TNK2: variants seen among roughly 807,000 people sequenced by gnomAD.
TNK2 encodes the protein tyrosine kinase non receptor 2.
TNK2 carries 83 observed loss-of-function variants against 101.8 expected under a neutral mutation model. The observed-to-expected ratio is 0.82, with a 90% confidence interval of 0.68 to 0.98. The LOEUF (loss-of-function observed/expected upper bound fraction) is 0.98, where lower values mean the gene tolerates loss of function less well. TNK2 is among the 50% of genes least tolerant of loss of function. The pLI is 0.00. For missense variants in TNK2, 1,665 were observed against 1,483.2 expected (o/e 1.12, Z -2.01); for synonymous variants, 804 against 633.0 (o/e 1.27, Z -4.06).
Position 195,866,908 on chromosome 3 carries a change from A to G in TNK2, c.3142T>C (p.Trp1048Arg). Residue 1048 changes from tryptophan (W) to arginine (R), a missense_variant, in exon 15 of 16, where the codon TGG (tryptophan) becomes CGG (arginine). Physicochemically the swap from Trp to Arg is moderately radical, Grantham distance 101. Transcript: ENST00000672887. ...ACTCACTTGTGGTGGGCAGGGCCCC[A>G]GGAGCCCAGAAGGTGGCAGCCGGCC... ...EQAGCHLLGSWGPAHHKR is the reference protein window; with the variant it reads ...EQAGCHLLGSRGPAHHKR The G allele has an allele frequency of 6.2e-7, 1 of 1,611,362 alleles. No individual in the cohort carries two copies. Among genetic ancestry groups the G allele is most frequent in the Non-Finnish European group, 8.5e-7 (1 of 1,179,260 alleles).
chr3:195,864,462 G>A lies in TNK2; in HGVS notation c.3162-275C>T, dbSNP rs547147217. Among the ~76,000 whole-genome samples the A allele has an allele frequency of 6.2e-4, 94 of 151,794 alleles. 2 individuals are homozygous for A. In the South Asian group the frequency reaches 0.018, roughly 29 times the overall value. ...GGATGCAAATCAGTAAGAACCACCC[G>A]AGACAGCGACAGACAGGTGACACGG... On this transcript the variant is annotated intron_variant, in intron 15 of 15. Coordinates refer to ENST00000672887, the MANE Select transcript of TNK2 (RefSeq NM_001382273.1).
chr3:195,879,302 C>T, intron 6 of TNK2, 127 bp from the exon 7 acceptor site: 2 of 1,451,758 alleles, frequency 1.4e-6, no homozygotes, highest in South Asian at 1.3e-5. Flanking sequence ...CAGTGGGTCT[C>T]AGGGGCGCCG....
intron 1 of TNK2, chr3:195,896,318 G>T (rs543181792): frequency 1.7e-4 from 53 of 318,540 alleles, no homozygotes; most frequent in African/African-American, 1.2e-3. Flanking sequence ...GCAGAGGAGA[G>T]ACAGATGCTG....
At position 195,864,161 on chromosome 3, in the gene TNK2, T is replaced by C; in HGVS notation, c.*20A>G. On this transcript the variant is annotated 3_prime_UTR_variant, in exon 16 of 16. Transcript: ENST00000672887. ...TCAGGTGATTCCTTCAGGCAGGCCC[T>C]CTGGCTCTCCAGACGCATCTCAGCG... 1 of 1,613,890 alleles carries C rather than the reference T, an allele frequency of 6.2e-7. No individual in the cohort carries two copies. The highest frequency in any genetic ancestry group is 8.5e-7 in the Non-Finnish European group (1 of 1,179,870).
intron 1 of TNK2, chr3:195,896,351 G>C (rs766376005): frequency 1.1e-4 from 34 of 315,844 alleles, no homozygotes; most frequent in Non-Finnish European, 2.1e-4. Context: ...CCCACGCAGC[G>C]TCAAGGCTGA....
rs1357991175 is a variant in TNK2 at position 195,898,660 on chromosome 3, C to A, written c.-19+9825G>T. ...TGTTTTTAAGAGACTGGGTCTTGCT[C>A]TGTTGCCCAGGCTGGAGTGCAGTGG... On this transcript the variant is annotated intron_variant, in intron 1 of 15. Coordinates refer to ENST00000672887, the MANE Select transcript of TNK2 (RefSeq NM_001382273.1). Among the ~76,000 whole-genome samples the A allele has an allele frequency of 3.3e-5, 5 of 152,060 alleles. No individual in the cohort carries two copies. In the East Asian group the frequency reaches 9.6e-4, roughly 29 times the overall value.
In TNK2 at chr3:195,867,528, C is replaced by T. The variant is rs367967764; in HGVS notation, c.2770G>A (p.Val924Met). The change falls in exon 13 of 16, where the codon GTG becomes ATG. Residue 924 changes from valine to methionine, a missense_variant. Physicochemically the swap from Val to Met is conservative, Grantham distance 21. Transcript: ENST00000672887. ...AAGGCAGCCTGGGGCATCGGCCGCA[C>T]GGTGGCCGTGGGGGCGGCGGGGGCT... ...TPAPAAPTAT[V>M]RPMPQAALDP... 1.3e-5 allele frequency: 14 copies of T among 1,081,964 alleles called. No individual in the cohort carries two copies. Among genetic ancestry groups the T allele is most frequent in the East Asian group, 5.5e-5 (1 of 18,122 alleles). 67.0% of individuals were successfully genotyped at this position (1,081,964 alleles called of 1,614,324 possible).
At chr3:195,895,467 C>T (rs745725400) in intron 1 of TNK2, 3 of 1,382,878 alleles carry the variant, frequency 2.2e-6, no homozygotes, top group African/African-American at 1.5e-5. Context: ...TAGCCTCATC[C>T]GCCATCGGCC....
rs1227979014 is a variant in TNK2 at position 195,878,766 on chromosome 3, G to A, written c.1015-174C>T. ...CCAGAGCCCCAGTCCCTTCTTCCCA[G>A]GTCTGGAGCCTCGGAACAAGTGGAT... On this transcript the variant is annotated intron_variant, in intron 7 of 15. Coordinates refer to ENST00000672887, the MANE Select transcript of TNK2 (RefSeq NM_001382273.1). This position sits in a 1 kb window ranked among gnomAD's most constrained non-coding sequence, Gnocchi z 4.7. 6.6e-6 allele frequency among the ~76,000 whole-genome samples: 1 copy of A among 152,228 alleles called. No homozygotes were observed. The highest frequency in any genetic ancestry group is 2.1e-4 in the South Asian group (1 of 4,838).
In TNK2 at chr3:195,867,443, G is replaced by A. The variant is rs750829725; in HGVS notation, c.2855C>T (p.Pro952Leu). 8.8e-6 allele frequency: 14 copies of A among 1,595,096 alleles called. No individual in the cohort carries two copies. Among genetic ancestry groups the A allele is most frequent in the South Asian group, 5.5e-5 (5 of 90,108 alleles). Residue 952 changes from proline to leucine, a missense_variant, in exon 13 of 16, where the codon CCG becomes CTG. Around this residue, in one of 3 missense-constraint regions of TNK2, gnomAD observed 1,136 missense variants for 894.9 expected, o/e 1.27. Coordinates refer to ENST00000672887, the MANE Select transcript of TNK2 (RefSeq NM_001382273.1). The stretch of plus-strand genomic sequence containing the variant: ...CTGTGGCAGCCGAGCAGTGGCCCTC[G>A]GGGGTGGTGGCCGGGCCCCTGGGTT... Reference protein sequence around the residue: ...NSNPGARPPPPRATARLPQRG... With the variant: ...NSNPGARPPPLRATARLPQRG...
In TNK2 at chr3:195,890,964, G is replaced by A. The variant is rs895050461; in HGVS notation, c.-18-2358C>T. ...TCTGACTCCTCACTACATTGTCTAG[G>A]TTACTAACGTATTAGGATACATAAA... On this transcript the variant is annotated intron_variant, in intron 1 of 15. Coordinates refer to ENST00000672887, the MANE Select transcript of TNK2 (RefSeq NM_001382273.1). 5.3e-5 allele frequency among the ~76,000 whole-genome samples: 8 copies of A among 152,188 alleles called. No homozygotes were observed. In the South Asian group the frequency reaches 1.2e-3, roughly 24 times the overall value.
At chr3:195,887,810 G>A (rs530653798) in intron 2 of TNK2, among the ~76,000 whole-genome samples, 6 of 149,824 alleles carry the variant, frequency 4.0e-5, no homozygotes, top group East Asian at 2.0e-4. Context: ...TATGCCGTGC[G>A]TGTGCATGCG....
intron 9 of TNK2, chr3:195,876,739 G>A (rs1749572974): frequency 6.9e-6 from 3 of 432,580 alleles, no homozygotes; most frequent in Non-Finnish European, 9.3e-6. Flanking sequence ...GGGCCAACGG[G>A]GGCCTTCGAC....
chr3:195,883,119 C>T, intron 5 of TNK2, 38 bp downstream of exon 5: 3 of 1,595,376 alleles, frequency 1.9e-6, no homozygotes, highest in East Asian at 2.2e-5. Context: ...GGACCGGAGC[C>T]CTCTCCCTGC....
Position 195,882,522 on chromosome 3 carries a change from T to C in TNK2, c.610-194A>G. On this transcript the variant is annotated intron_variant, in intron 5 of 15. Coordinates refer to ENST00000672887, the MANE Select transcript of TNK2 (RefSeq NM_001382273.1). The surrounding 1 kb of genome is among the most constrained non-coding windows in gnomAD (Gnocchi z 4.2). The stretch of plus-strand genomic sequence containing the variant: ...TCTCCCTCGAGGCAATTTGGGAAAC[T>C]GATGCCTAGAGAGAAGGAGCCCAAA... The C allele has an allele frequency of 6.5e-7, 1 of 1,534,548 alleles. No homozygotes were observed. Among genetic ancestry groups the C allele is most frequent in the Non-Finnish European group, 8.7e-7 (1 of 1,145,686 alleles).
chr3:195,878,655 T>C lies in TNK2; in HGVS notation c.1015-63A>G. 1 of 1,572,952 alleles carries C rather than the reference T, an allele frequency of 6.4e-7. No individual in the cohort carries two copies. The highest frequency in any genetic ancestry group is 8.6e-7 in the Non-Finnish European group (1 of 1,158,876). ...AGCGCCCAGCCCTTCACTTCCCGCC[T>C]TCCCTCCAGCCCATCCACAGCTGCA... On this transcript the variant is annotated intron_variant, in intron 7 of 15. Coordinates refer to ENST00000672887, the MANE Select transcript of TNK2 (RefSeq NM_001382273.1). This position sits in a 1 kb window ranked among gnomAD's most constrained non-coding sequence, Gnocchi z 4.7.
intron 11 of TNK2, 93 bp downstream of exon 11, chr3:195,870,021 A>G: frequency 9.7e-7 from 1 of 1,026,778 alleles, no homozygotes; most frequent in Non-Finnish European, 1.4e-6. Context: ...GTCCCCAAAA[A>G]CAGAACAGCA....
intron 10 of TNK2, among the ~76,000 whole-genome samples, chr3:195,870,963 C>G (rs1744773197): frequency 7.0e-6 from 1 of 143,246 alleles, no homozygotes; most frequent in Non-Finnish European, 1.5e-5. Context: ...TGTGGGGGGA[C>G]TCGCTGTGTG....
intron 15 of TNK2, among the ~76,000 whole-genome samples, chr3:195,865,054 T>C (rs554511281): frequency 2.0e-4 from 23 of 116,378 alleles, no homozygotes; most frequent in South Asian, 1.2e-3. Context: ...CCCGAGACAG[T>C]GACAGACAGG....
Sources: gnomAD v4.1 joint callset for allele counts (sites outside exome capture counted in the v4.1 genomes callset) on GRCh38, gnomAD v4.1.1 for gene constraint, gnomAD v4.1.1 regional missense constraint, Gnocchi (gnomAD v3.1) non-coding constraint, MANE v1.5 for transcripts, NCBI Gene and HGNC (gene_info 2026-07-23, HGNC 2026-07-21) for gene names.